The following PTGFRN variants were observed in gnomAD, a reference collection of about 807,000 sequenced individuals.
PTGFRN encodes prostaglandin F2 receptor negative regulator.
In PTGFRN, 35 loss-of-function variants were observed where a neutral mutation model predicts 83.2. That is an observed-to-expected ratio of 0.42 (90% confidence interval 0.32 to 0.56). The LOEUF is 0.56. Ranked by LOEUF, PTGFRN falls within the 20% of genes least tolerant of loss-of-function variation. PTGFRN has a pLI of 0.11. For missense variants in PTGFRN, 1,051 were observed against 1,179.5 expected (o/e 0.89, Z 1.60); for synonymous variants, 519 against 498.6 (o/e 1.04, Z -0.55).
intron 3 of PTGFRN, 109 bp downstream of exon 3, chr1:116,945,201 C>A: frequency 1.4e-6 from 2 of 1,381,948 alleles, no homozygotes; most frequent in Non-Finnish European, 1.9e-6. Context: ...ACTGTTTCTG[C>A]TTCCCATGTG....
Position 116,941,259 on chromosome 1 carries a change from C to T in PTGFRN, c.50-456C>T, listed in dbSNP as rs776325050. ...GCTCTAGGATTTAAAAATTGGCATCCGTCATTGTAAATCAGGTCTCAGGAG... is the reference window on the plus strand; with the variant it reads ...GCTCTAGGATTTAAAAATTGGCATCTGTCATTGTAAATCAGGTCTCAGGAG... On this transcript the variant is annotated intron_variant, in intron 1 of 8. Transcript: ENST00000393203. This position sits in a 1 kb window ranked among gnomAD's most constrained non-coding sequence, Gnocchi z 5.0. Among the ~76,000 whole-genome samples, 6 of 152,118 alleles carry T rather than the reference C, an allele frequency of 3.9e-5. No homozygotes were observed. The highest frequency in any genetic ancestry group is 1.4e-4 in the African/African-American group (6 of 41,394).
intron 6 of PTGFRN, among the ~76,000 whole-genome samples, chr1:116,969,082 C>T (rs755749643): frequency 2.7e-5 from 4 of 149,934 alleles, no homozygotes; most frequent in Admixed American, 1.3e-4. Context: ...TCTCTTGAAA[C>T]ATCAAATTTT....
chr1:116,954,256 A>G (rs1027228881), intron 4 of PTGFRN, among the ~76,000 whole-genome samples: 2 of 152,094 alleles, frequency 1.3e-5, no homozygotes, highest in Non-Finnish European at 2.9e-5. Context: ...CATCCTCATA[A>G]TGGTTCTGCC....
chr1:116,933,650 T>C (rs950403965), intron 1 of PTGFRN, among the ~76,000 whole-genome samples: 4 of 152,224 alleles, frequency 2.6e-5, no homozygotes, highest in African/African-American at 9.7e-5. Context: ...TTGTTGAGAA[T>C]TGGTTGAAAG....
At chr1:116,968,699 C>T (rs1270154733) in intron 6 of PTGFRN, among the ~76,000 whole-genome samples, 1 of 152,112 alleles carries the variant, frequency 6.6e-6, no homozygotes, top group Admixed American at 6.5e-5. Flanking sequence ...CATTAGTAAT[C>T]ATTCCCATGC....
At chr1:116,940,366 T>C (rs1355209129) in intron 1 of PTGFRN, among the ~76,000 whole-genome samples, 1 of 152,208 alleles carries the variant, frequency 6.6e-6, no homozygotes, top group Non-Finnish European at 1.5e-5. Context: ...TATCTTCATG[T>C]GGCTTTCTCC....
At position 116,987,058 on chromosome 1, in the gene PTGFRN, C is replaced by T; in HGVS notation, c.*91C>T. 2.0e-6 allele frequency: 3 copies of T among 1,481,940 alleles called. No homozygotes were observed. Among genetic ancestry groups the T allele is most frequent in the Non-Finnish European group, 2.8e-6 (3 of 1,085,156 alleles). 91.8% of individuals were successfully genotyped at this position (1,481,940 alleles called of 1,614,324 possible). On this transcript the variant is annotated 3_prime_UTR_variant, in exon 9 of 9. Transcript: ENST00000393203. ...ATATTTTAAAACAAAGTGTGTTACACTAAAAACCAGTCCTCTCTAATCTCA... is the reference window on the plus strand; with the variant it reads ...ATATTTTAAAACAAAGTGTGTTACATTAAAAACCAGTCCTCTCTAATCTCA...
Position 116,909,989 on chromosome 1 carries a change from G to A in PTGFRN, c.-215G>A. The A allele has an allele frequency of 1.6e-6, 1 of 608,268 alleles. No homozygotes were observed. The highest frequency in any genetic ancestry group is 2.9e-6 in the Non-Finnish European group (1 of 345,378). 37.7% of individuals were successfully genotyped at this position (608,268 alleles called of 1,614,324 possible). A position where few individuals can be genotyped will look rare whatever the true frequency, so the allele number is the denominator to read the frequency against. On this transcript the variant is annotated 5_prime_UTR_variant, in exon 1 of 9. Coordinates refer to ENST00000393203, the MANE Select transcript of PTGFRN (RefSeq NM_020440.4). Reference sequence around the variant, plus strand: ...GGCCGGCTCCCGGGCCCGGCCGGCTGGAGGAGGGAGGGAAGGAGGCGGGAG... The same window carrying A: ...GGCCGGCTCCCGGGCCCGGCCGGCTAGAGGAGGGAGGGAAGGAGGCGGGAG...
chr1:116,934,793 G>A (rs1447910620), intron 1 of PTGFRN, among the ~76,000 whole-genome samples: 2 of 152,160 alleles, frequency 1.3e-5, no homozygotes, highest in Non-Finnish European at 2.9e-5. Context: ...TCTTCTATCT[G>A]AGAAGATTTA....
intron 7 of PTGFRN, among the ~76,000 whole-genome samples, chr1:116,975,139 T>A (rs979539959): frequency 1.3e-5 from 2 of 152,258 alleles, no homozygotes; most frequent in African/African-American, 4.8e-5. Context: ...AGCACGGCAG[T>A]CTGAGATCGA....
chr1:116,971,280 G>A (rs775065040), intron 6 of PTGFRN, among the ~76,000 whole-genome samples: 10 of 151,720 alleles, frequency 6.6e-5, no homozygotes, highest in Non-Finnish European at 1.3e-4. Flanking sequence ...ACTTGAATTT[G>A]CTTAGCCATT....
chr1:116,982,246 T>A (rs1651340141), intron 7 of PTGFRN, among the ~76,000 whole-genome samples: 1 of 152,168 alleles, frequency 6.6e-6, no homozygotes, highest in Admixed American at 6.5e-5. Context: ...AGGTCACCAG[T>A]TGTGCCTTTA....
intron 1 of PTGFRN, among the ~76,000 whole-genome samples, chr1:116,939,984 C>T (rs967190167): frequency 6.6e-6 from 1 of 152,174 alleles, no homozygotes; most frequent in African/African-American, 2.4e-5. Flanking sequence ...ACCACCTCAG[C>T]TGGGACCTTG....
chr1:116,981,545 G>A (rs928492285), intron 7 of PTGFRN, among the ~76,000 whole-genome samples: 1 of 152,184 alleles, frequency 6.6e-6, no homozygotes, highest in East Asian at 1.9e-4. Flanking sequence ...AGGGGACTGG[G>A]TAACACTAGC....
chr1:116,956,876 G>A (rs146210930), intron 4 of PTGFRN, among the ~76,000 whole-genome samples: 5 of 152,264 alleles, frequency 3.3e-5, no homozygotes, highest in Admixed American at 2.6e-4. Context: ...TTCATAAAGT[G>A]TCTACTCTGC....
rs1649584815 is a variant in PTGFRN, at chr1:116,923,385, A to G, written c.49+13133A>G. 6.6e-6 allele frequency among the ~76,000 whole-genome samples: 1 copy of G among 152,164 alleles called. No individual in the cohort carries two copies. Among genetic ancestry groups the G allele is most frequent in the Admixed American group, 6.5e-5 (1 of 15,286 alleles). On this transcript the variant is annotated intron_variant, in intron 1 of 8. Coordinates refer to ENST00000393203, the MANE Select transcript of PTGFRN (RefSeq NM_020440.4). The surrounding 1 kb of genome is among the most constrained non-coding windows in gnomAD (Gnocchi z 4.0). ...TTGCGTGTGACTTCATTTCTAAGAC[A>G]GGTTTTTGTGGTAGAGTAGGAAAAA...
intron 1 of PTGFRN, among the ~76,000 whole-genome samples, chr1:116,929,722 T>C (rs1649744913): frequency 6.6e-6 from 1 of 152,242 alleles, no homozygotes; most frequent in Admixed American, 6.5e-5. Context: ...GTGGGTCTAC[T>C]TCATCACTGT....
chr1:116,966,149 T>G (rs1031485987), intron 5 of PTGFRN, among the ~76,000 whole-genome samples: 1 of 152,274 alleles, frequency 6.6e-6, no homozygotes, highest in Admixed American at 6.5e-5. Flanking sequence ...TCCAAGTGCC[T>G]GACGTTGTGC....
At chr1:116,912,361 G>T (rs147217015) in intron 1 of PTGFRN, among the ~76,000 whole-genome samples, 1 of 152,290 alleles carries the variant, frequency 6.6e-6, no homozygotes, top group East Asian at 1.9e-4. Flanking sequence ...CCTCTGGGAA[G>T]GTCTCGCTGT....
Sources: gnomAD v4.1 joint callset for allele counts (sites outside exome capture counted in the v4.1 genomes callset) on GRCh38, gnomAD v4.1.1 for gene constraint, Gnocchi (gnomAD v3.1) non-coding constraint, MANE v1.5 for transcripts, NCBI Gene and HGNC (gene_info 2026-07-23, HGNC 2026-07-21) for gene names.